Variants in DAB1 observed in about 807,000 individuals in gnomAD.
The protein encoded by DAB1 is disabled homolog 1.
In DAB1, 15 loss-of-function variants were observed where a neutral mutation model predicts 64.6. The ratio of observed to expected loss-of-function variants is 0.23; its 90% CI spans 0.16 to 0.36. DAB1 has a LOEUF of 0.36. Ranked by LOEUF, DAB1 falls within the 10% of genes least tolerant of loss-of-function variation. The pLI, the probability that DAB1 is intolerant of heterozygous loss-of-function variation, is 1.00. For synonymous variants in DAB1, 235 were observed against 251.9 expected (o/e 0.93, Z 0.64); for missense variants, 596 against 706.7 (o/e 0.84, Z 1.78).
chr1:57,876,460 G>T (rs972395595), intron 1 of DAB1: 1 of 152,236 alleles, frequency 6.6e-6, no homozygotes, highest in African/African-American at 2.4e-5. Flanking sequence ...ATCACGTAAG[G>T]TGATTGTTGT....
At chr1:57,373,019 A>AT (rs1349647291) in intron 1 of DAB1, among the ~76,000 whole-genome samples, 1 of 151,642 alleles carries the variant, frequency 6.6e-6, no homozygotes, top group Non-Finnish European at 1.5e-5. Context: ...TCTAGAAAAA[A>AT]AAAAAAATCC....
At chr1:58,055,024 T>C (rs1557629124) in intron 5 of DAB1, among the ~76,000 whole-genome samples, 1 of 152,214 alleles carries the variant, frequency 6.6e-6, no homozygotes, top group Non-Finnish European at 1.5e-5. Flanking sequence ...TTAATGATTT[T>C]CAAAGCTATA....
intron 1 of DAB1, among the ~76,000 whole-genome samples, chr1:57,406,004 G>A (rs1034706113): frequency 2.0e-5 from 3 of 152,130 alleles, no homozygotes; most frequent in Non-Finnish European, 4.4e-5. Context: ...AACCTTCCCT[G>A]CCTCATTTCC....
intron 1 of DAB1, chr1:58,538,688 T>C (rs1315628812): frequency 5.4e-6 from 3 of 558,544 alleles, no homozygotes; most frequent in South Asian, 6.5e-5. Context: ...TCTTTAAAAG[T>C]ACAGTTTTAT....
chr1:58,219,738 G>C (rs184053520), intron 4 of DAB1, among the ~76,000 whole-genome samples: 2 of 152,126 alleles, frequency 1.3e-5, no homozygotes, highest in African/African-American at 4.8e-5. Context: ...ACACACCCTT[G>C]GCCAGATCCA....
chr1:57,392,963 G>A (rs191042030), intron 1 of DAB1, among the ~76,000 whole-genome samples: 134 of 152,288 alleles, frequency 8.8e-4, no homozygotes, highest in African/African-American at 3.1e-3. Flanking sequence ...GTAAGCTTTG[G>A]TGCCAGTCGG....
Position 57,199,338 on chromosome 1 carries a change from C to T in DAB1, c.68-53909G>A, listed in dbSNP as rs1433010945. Among the ~76,000 whole-genome samples the T allele has an allele frequency of 7.9e-5, 12 of 152,332 alleles. No individual in the cohort carries two copies. The East Asian group carries it at 2.3e-3, about 29-fold the overall frequency. ...ACCCACACAGAGACTTCAGCAAGGG[C>T]AGCAGGACTGCCTCTTCCAGAGGCA... On this transcript the variant is annotated intron_variant, in intron 2 of 14. Coordinates refer to ENST00000371236, the MANE Select transcript of DAB1 (RefSeq NM_001365792.1).
chr1:57,029,399 T>A (rs114574343), intron 9 of DAB1, among the ~76,000 whole-genome samples: 2,330 of 152,206 alleles, frequency 0.015, 57 homozygotes, highest in African/African-American at 0.046. Context: ...TAGGGCAGTG[T>A]GGAAGGGAAA....
At chr1:57,049,185 C>G (rs61149500) in intron 9 of DAB1, among the ~76,000 whole-genome samples, 1 of 151,980 alleles carries the variant, frequency 6.6e-6, no homozygotes, top group Non-Finnish European at 1.5e-5. Flanking sequence ...TACAAACAGT[C>G]TTAGAAGTTA....
At chr1:57,842,079 CT>C (rs1200469797) in intron 1 of DAB1, among the ~76,000 whole-genome samples, 1 of 152,182 alleles carries the variant, frequency 6.6e-6, no homozygotes, top group East Asian at 1.9e-4. Flanking sequence ...TAAGCTACAT[CT>C]TGAACACTTT....
At position 57,984,179 on chromosome 1, in the gene DAB1, T is replaced by TAAAAA. The variant is rs769375614; in HGVS notation, n.388-100022_388-100018dup. On this transcript the variant is annotated intron_variant and non_coding_transcript_variant, in intron 5 of 20. Coordinates refer to the DAB1 transcript ENST00000485760. ...AGGATTTCAGGGCCCAGGACTAGCT[T>TAAAAA]AAAAAAAAGAAAGAAAGAAAGAAAG... is the stretch of plus-strand genomic sequence containing the variant. Among the ~76,000 whole-genome samples, 27 of 34,288 alleles carry TAAAAA rather than the reference T, an allele frequency of 7.9e-4. 1 individual carries two copies. Among genetic ancestry groups the TAAAAA allele is most frequent in the African/African-American group, 1.5e-3 (17 of 11,652 alleles). The allele number at this position is 34,288 out of a possible 152,430, so 22.5% of individuals were successfully genotyped here.
At chr1:57,522,998 C>T (rs1644547758) in intron 7 of DAB1, among the ~76,000 whole-genome samples, 1 of 152,228 alleles carries the variant, frequency 6.6e-6, no homozygotes, top group South Asian at 2.1e-4. Context: ...GCTGCACTGT[C>T]AGATTCCCTA....
At chr1:56,998,766 C>T (rs1363443115) in intron 14 of DAB1, among the ~76,000 whole-genome samples, 2 of 152,180 alleles carry the variant, frequency 1.3e-5, no homozygotes, top group African/African-American at 4.8e-5. Context: ...CTGAGCCCTC[C>T]ACTTTGGCCA....
At chr1:57,706,413 C>T (rs895414227) in intron 6 of DAB1, among the ~76,000 whole-genome samples, 1 of 152,072 alleles carries the variant, frequency 6.6e-6, no homozygotes, top group South Asian at 2.1e-4. Flanking sequence ...CTCAGGTGAT[C>T]AATCCTCAAT....
intron 2 of DAB1, among the ~76,000 whole-genome samples, chr1:57,189,187 G>A (rs768774813): frequency 7.2e-5 from 11 of 151,974 alleles, no homozygotes; most frequent in African/African-American, 1.9e-4. Context: ...ATAACTTAAC[G>A]GCTGATGTTA....
intron 7 of DAB1, among the ~76,000 whole-genome samples, chr1:57,551,861 G>A (rs1188058087): frequency 1.3e-5 from 2 of 152,138 alleles, no homozygotes; most frequent in Non-Finnish European, 2.9e-5. Context: ...ACTTGAAACA[G>A]GCACTCATAA....
At chr1:58,523,539 T>C (rs149811886) in intron 2 of DAB1, among the ~76,000 whole-genome samples, 4 of 152,228 alleles carry the variant, frequency 2.6e-5, no homozygotes, top group Non-Finnish European at 5.9e-5. Context: ...AAGTAGACCA[T>C]TTGGACGCCT....
chr1:57,609,518 A>G (rs1645700665), intron 7 of DAB1, among the ~76,000 whole-genome samples: 1 of 152,176 alleles, frequency 6.6e-6, no homozygotes, highest in African/African-American at 2.4e-5. Context: ...ACCCAGGGAC[A>G]ACTTTACAAT....
At chr1:57,406,970 A>C (rs1683691004) in intron 1 of DAB1, among the ~76,000 whole-genome samples, 1 of 152,242 alleles carries the variant, frequency 6.6e-6, no homozygotes, top group Non-Finnish European at 1.5e-5. Flanking sequence ...TTACCTACAG[A>C]ACATATCTCA....
Sources: gnomAD v4.1 joint callset for allele counts (sites outside exome capture counted in the v4.1 genomes callset) on GRCh38, gnomAD v4.1.1 for gene constraint, MANE v1.5 for transcripts, NCBI Gene and HGNC (gene_info 2026-07-23, HGNC 2026-07-21) for gene names.